Variants in RBM22 observed in about 807,000 individuals in gnomAD.
The protein encoded by RBM22 is pre-mRNA-splicing factor RBM22.
Under a neutral mutation model 50.1 loss-of-function variants are expected in RBM22, and 1 was observed. The ratio of observed to expected loss-of-function variants is 0.02; its 90% CI spans 0.01 to 0.09. The LOEUF (loss-of-function observed/expected upper bound fraction) is 0.09. Among genes scored for constraint, RBM22 ranks in the 10% least tolerant of loss-of-function variants. The pLI is 1.00. For missense variants in RBM22, 264 were observed against 529.3 expected (o/e 0.50, Z 4.92); for synonymous variants, 152 against 179.0 (o/e 0.85, Z 1.20).
chr5:150,699,718 T>C (rs1759320758), intron 2 of RBM22, among the ~76,000 whole-genome samples: 2 of 152,216 alleles, frequency 1.3e-5, no homozygotes, highest in Non-Finnish European at 2.9e-5. Flanking sequence ...CCAAGTTCAC[T>C]CCCAAGAACT....
intron 10 of RBM22, 144 bp downstream of exon 10, chr5:150,692,751 C>T: frequency 1.0e-6 from 1 of 977,580 alleles, no homozygotes. Context: ...AGAAAAATTT[C>T]AGAAATCCCA....
In RBM22 at chr5:150,694,681, C is replaced by G. The variant is rs1353523729; in HGVS notation, c.747-441G>C. 5 of 154,904 alleles carry G rather than the reference C, an allele frequency of 3.2e-5. No individual in the cohort carries two copies. The Admixed American group carries it at 3.2e-4, about 10-fold the overall frequency. 9.6% of individuals were successfully genotyped at this position (154,904 alleles called of 1,614,324 possible). A position where few individuals can be genotyped will look rare whatever the true frequency, so the allele number is the denominator to read the frequency against. The stretch of plus-strand genomic sequence containing the variant: ...AAGTCTGCCAACCCCTGGGGGTTGT[C>G]TAGCTCACTTAGATAGGGTTTAATG... On this transcript the variant is annotated intron_variant, in intron 7 of 10. Coordinates refer to ENST00000199814, the MANE Select transcript of RBM22 (RefSeq NM_018047.3).
rs560176964 is a variant in RBM22, at chr5:150,700,908, T to C, written c.54+24A>G. ...TGCGCGGCTTCGCCTCCTCCTTCCA[T>C]CCTCCTCCGGCAGGCACACTCACCG... On this transcript the variant is annotated intron_variant, in intron 1 of 10. Coordinates refer to ENST00000199814, the MANE Select transcript of RBM22 (RefSeq NM_018047.3). The C allele has an allele frequency of 4.3e-5, 70 of 1,614,140 alleles. 1 individual carries two copies. In the South Asian group the frequency reaches 6.1e-4, roughly 14 times the overall value.
chr5:150,697,301 A>G (rs1451353188), intron 4 of RBM22, among the ~76,000 whole-genome samples: 1 of 152,146 alleles, frequency 6.6e-6, no homozygotes, highest in Non-Finnish European at 1.5e-5. Flanking sequence ...ATGCACCTGT[A>G]GTCCTAGCTA....
chr5:150,700,500 G>A lies in RBM22; in HGVS notation c.55-3C>T, dbSNP rs1759331195. On this transcript the variant is annotated splice_polypyrimidine_tract_variant and splice_region_variant and intron_variant, in intron 1 of 10. Coordinates refer to ENST00000199814, the MANE Select transcript of RBM22 (RefSeq NM_018047.3). ...GTCTGGCACAGAATGGGGAAGTCCT[G>A]GTGAAAATGGGAAATCTGGTTGAGG... 2 of 1,614,124 alleles carry A rather than the reference G, an allele frequency of 1.2e-6. No individual in the cohort carries two copies. Among genetic ancestry groups the A allele is most frequent in the Non-Finnish European group, 1.7e-6 (2 of 1,180,014 alleles).
Position 150,701,032 on chromosome 5 carries a change from G to T in RBM22, c.-47C>A, listed in dbSNP as rs918418017. 1 of 1,608,604 alleles carries T rather than the reference G, an allele frequency of 6.2e-7. No homozygotes were observed. The highest frequency in any genetic ancestry group is 1.3e-5 in the African/African-American group (1 of 74,878). ...CTGTAGCTTCCGAATTGGGAGAGAG[G>T]ACCGCCACAATCCCGTCAAGCCCCG... On this transcript the variant is annotated 5_prime_UTR_variant, in exon 1 of 11. Transcript: ENST00000199814.
Position 150,693,322 on chromosome 5 carries a change from T to C in RBM22, c.912-15A>G, listed in dbSNP as rs776232666. 5 of 1,602,648 alleles carry C rather than the reference T, an allele frequency of 3.1e-6. No individual in the cohort carries two copies. Among genetic ancestry groups the C allele is most frequent in the East Asian group, 4.5e-5 (2 of 44,834 alleles). On this transcript the variant is annotated splice_polypyrimidine_tract_variant and intron_variant, in intron 8 of 10. Transcript: ENST00000199814. ...CTGCCTGGGATCTGGGAAACACACATGCATACAGTCGGCACTCTGGCCCAC... is the reference window on the plus strand; with the variant it reads ...CTGCCTGGGATCTGGGAAACACACACGCATACAGTCGGCACTCTGGCCCAC...
intron 4 of RBM22, chr5:150,697,862 C>T (rs969558809): frequency 4.8e-6 from 1 of 206,920 alleles, no homozygotes; most frequent in Non-Finnish European, 1.0e-5. Flanking sequence ...GTTCTAACAA[C>T]ACAATTGAAA....
chr5:150,691,430 A>G lies in RBM22; in HGVS notation c.*321T>C, dbSNP rs1039357991. On this transcript the variant is annotated 3_prime_UTR_variant, in exon 11 of 11. Transcript: ENST00000199814. ...CCCGACCAAAAAATATACAAAATGAACATATAATTGGGAGGGTAACTCTGC... is the reference window on the plus strand; with the variant it reads ...CCCGACCAAAAAATATACAAAATGAGCATATAATTGGGAGGGTAACTCTGC... 5.1e-6 allele frequency: 1 copy of G among 195,108 alleles called. No individual in the cohort carries two copies. The highest frequency in any genetic ancestry group is 1.0e-5 in the Non-Finnish European group (1 of 96,966). The allele number at this position is 195,108 out of a possible 1,614,324, so 12.1% of individuals were successfully genotyped here.
chr5:150,694,501 T>A (rs952172586), intron 7 of RBM22: 4 of 437,098 alleles, frequency 9.2e-6, no homozygotes, highest in African/African-American at 8.1e-5. Context: ...GGGGTTCTAA[T>A]AGGTTCTTTA....
At chr5:150,699,689 T>C (rs1013645356) in intron 2 of RBM22, among the ~76,000 whole-genome samples, 1 of 152,224 alleles carries the variant, frequency 6.6e-6, no homozygotes, top group African/African-American at 2.4e-5. Flanking sequence ...GCCACAACTC[T>C]TAGGTTCATT....
At position 150,696,806 on chromosome 5, in the gene RBM22, C is replaced by T; in HGVS notation, c.357G>A (p.Gln119=). 4 of 1,614,142 alleles carry T rather than the reference C, an allele frequency of 2.5e-6. No homozygotes were observed. Among genetic ancestry groups the T allele is most frequent in the Non-Finnish European group, 2.5e-6 (3 of 1,180,002 alleles). The change falls in exon 5 of 11, where the codon CAG becomes CAA. Residue 119 remains glutamine, a synonymous_variant. Transcript: ENST00000199814. The surrounding 1 kb of genome is among the most constrained non-coding windows in gnomAD (Gnocchi z 4.3). ...KSDVNKEYYT[Q]NMEREISNSD... ...GGCAGCATACCTCTCTCTCCATATT[C>T]TGTGTATAGTACTCTTTGTTGACAT...
chr5:150,695,728 A>G, intron 6 of RBM22, 22 bp from the exon 7 acceptor site: 1 of 1,570,806 alleles, frequency 6.4e-7, no homozygotes, highest in South Asian at 1.1e-5. Flanking sequence ...GAAAAAAACA[A>G]GGCATAAAGG....
intron 10 of RBM22, among the ~76,000 whole-genome samples, chr5:150,692,608 C>T (rs1186283960): frequency 6.6e-6 from 1 of 152,108 alleles, no homozygotes; most frequent in Non-Finnish European, 1.5e-5. Flanking sequence ...CTAGGGCATC[C>T]ATTAGCATTT....
At chr5:150,694,493 G>A (rs1158590761) in intron 7 of RBM22, 1 of 448,204 alleles carries the variant, frequency 2.2e-6, no homozygotes. Context: ...GAGGAAAGGG[G>A]GTTCTAATAG....
At position 150,695,654 on chromosome 5, in the gene RBM22, C is replaced by T; in HGVS notation, c.598G>A (p.Asp200Asn). The part of the protein sequence containing the change: ...DDPLADQNIK[D>N]RYYGINDPVA... ...GGATCATTGATTCCGTAATAACGGT[C>T]TTTAATATTCTGATCAGCAAGGGGG... Residue 200 changes from aspartate to asparagine, a missense_variant, in exon 7 of 11, where the codon GAC (aspartate) becomes AAC (asparagine). Physicochemically the swap from Asp to Asn is conservative, Grantham distance 23 (BLOSUM62 1). Around this residue, in one of 7 missense-constraint regions of RBM22, gnomAD observed 62 missense variants for 102.6 expected, o/e 0.60. Coordinates refer to ENST00000199814, the MANE Select transcript of RBM22 (RefSeq NM_018047.3). 6.2e-7 allele frequency: 1 copy of T among 1,612,378 alleles called. No individual in the cohort carries two copies. Among genetic ancestry groups the T allele is most frequent in the Middle Eastern group, 2.0e-4 (1 of 5,096 alleles).
intron 1 of RBM22, 86 bp from the exon 2 acceptor site, chr5:150,700,583 A>C (rs1374930525): frequency 6.3e-7 from 1 of 1,597,338 alleles, no homozygotes; most frequent in South Asian, 1.1e-5. Flanking sequence ...GGGGGCGGGA[A>C]GCGAGGGTGG....
chr5:150,695,822 A>T (rs1759269528), intron 6 of RBM22, 116 bp from the exon 7 acceptor site: 5 of 803,976 alleles, frequency 6.2e-6, no homozygotes, highest in Non-Finnish European at 7.8e-6. Flanking sequence ...TGCCTTTTGA[A>T]CTAGAAACTA....
At chr5:150,698,099 G>GT (rs751709992) in intron 4 of RBM22, among the ~76,000 whole-genome samples, 16 of 152,276 alleles carry the variant, frequency 1.1e-4, no homozygotes, top group Middle Eastern at 3.4e-3. Flanking sequence ...TCTAGCCTGG[G>GT]TGTCAGAGTG....
Sources: allele counts gnomAD v4.1 joint callset (sites outside exome capture counted in the v4.1 genomes callset), GRCh38; gene constraint gnomAD v4.1.1; regional missense constraint gnomAD v4.1.1; non-coding constraint Gnocchi (gnomAD v3.1); transcripts MANE v1.5; gene names NCBI Gene and HGNC (gene_info 2026-07-23, HGNC 2026-07-21).